MSRA: variants seen among roughly 807,000 people sequenced by gnomAD.
MSRA encodes mitochondrial peptide methionine sulfoxide reductase.
In MSRA, 54 loss-of-function variants were observed where a neutral mutation model predicts 31.3. The observed-to-expected ratio is 1.73, with a 90% confidence interval of 1.39 to 2.17. The LOEUF is 2.17. MSRA is among the 30% of genes most tolerant of loss of function. MSRA has a pLI of 0.00. For missense variants in MSRA, 507 were observed against 300.9 expected, an observed-to-expected ratio of 1.69 and a Z score of -5.07; for synonymous variants, 169 against 116.5, an observed-to-expected ratio of 1.45 and a Z score of -2.90.
At chr8:10,211,807 G>T in intron 2 of MSRA, among the ~76,000 whole-genome samples, 1 of 152,150 alleles carries the variant, frequency 6.6e-6, no homozygotes, top group Non-Finnish European at 1.5e-5. Flanking sequence ...CGTTGGCCAC[G>T]GTCCACTCTG....
intron 1 of MSRA, among the ~76,000 whole-genome samples, chr8:10,075,987 G>T (rs1797977422): frequency 6.6e-6 from 1 of 152,164 alleles, no homozygotes; most frequent in Admixed American, 6.5e-5. Flanking sequence ...GTATAAATAG[G>T]CACATTCAGA....
chr8:10,407,355 G>A (rs1245209316), intron 5 of MSRA, among the ~76,000 whole-genome samples: 2 of 152,230 alleles, frequency 1.3e-5, no homozygotes, highest in East Asian at 3.9e-4. Flanking sequence ...GTAAGGGCAG[G>A]TGGAGGGTTG....
At chr8:10,279,072 G>A (rs1018474353) in intron 3 of MSRA, among the ~76,000 whole-genome samples, 3 of 152,180 alleles carry the variant, frequency 2.0e-5, no homozygotes, top group African/African-American at 7.2e-5. Flanking sequence ...TCATGCAGTT[G>A]TTTTCTTGTT....
chr8:10,373,981 T>TAG (rs1805619266), intron 5 of MSRA, among the ~76,000 whole-genome samples: 1 of 152,200 alleles, frequency 6.6e-6, no homozygotes, highest in South Asian at 2.1e-4. Flanking sequence ...GGCAGATGCA[T>TAG]GTCTCACTGC....
chr8:10,070,137 T>G (rs1189792499), intron 1 of MSRA, among the ~76,000 whole-genome samples: 1 of 152,164 alleles, frequency 6.6e-6, no homozygotes, highest in Non-Finnish European at 1.5e-5. Flanking sequence ...ATGAATACTT[T>G]GGGGAAAATA....
intron 5 of MSRA, among the ~76,000 whole-genome samples, chr8:10,400,912 G>A (rs1368981817): frequency 6.6e-6 from 1 of 152,112 alleles, no homozygotes; most frequent in Admixed American, 6.5e-5. Flanking sequence ...GAGCTAAAAC[G>A]ATAAATCCGT....
intron 5 of MSRA, among the ~76,000 whole-genome samples, chr8:10,427,769 G>A (rs533524245): frequency 2.1e-4 from 32 of 152,184 alleles, no homozygotes; most frequent in South Asian, 4.2e-4. Context: ...ATTTACCCTC[G>A]GGGACAGCCA....
chr8:10,207,776 G>A, intron 1 of MSRA, 57 bp from the exon 2 acceptor site: 2 of 1,478,480 alleles, frequency 1.4e-6, no homozygotes, highest in Non-Finnish European at 1.8e-6. Flanking sequence ...AATGACATGT[G>A]TTAGTATGTG....
In MSRA at chr8:10,426,052, A is replaced by G. The variant is rs149551545; in HGVS notation, c.544-2096A>G. On this transcript the variant is annotated intron_variant, in intron 5 of 5. Transcript: ENST00000317173. ...CATTTCCACAGCCACCTGGCATCCC[A>G]AAGCCTTCCTTCAGTGGGCAGCCTC... Among the ~76,000 whole-genome samples the G allele has an allele frequency of 1.3e-3, 199 of 152,308 alleles. 4 individuals carry two copies. In the Middle Eastern group the frequency reaches 0.031, roughly 23 times the overall value.
chr8:10,327,032 G>A (rs188343059), intron 5 of MSRA, among the ~76,000 whole-genome samples: 2 of 152,278 alleles, frequency 1.3e-5, no homozygotes, highest in East Asian at 3.9e-4. Context: ...CCTTCTGCCA[G>A]CTCTTCAAGT....
chr8:10,245,513 C>T (rs1028019026), intron 3 of MSRA, among the ~76,000 whole-genome samples: 2 of 152,162 alleles, frequency 1.3e-5, no homozygotes, highest in Non-Finnish European at 2.9e-5. Context: ...GCAGTTGAGG[C>T]TGGGCTCAGC....
rs189228577 is a variant in MSRA, at chr8:10,243,843, C to T, written c.212-1261C>T. On this transcript the variant is annotated intron_variant, in intron 2 of 5. Coordinates refer to ENST00000317173, the MANE Select transcript of MSRA (RefSeq NM_012331.5). ...AATTATGATATCACAAACATATTTC[C>T]ATGTTGCAATATTATCACAAAATAA... Among the ~76,000 whole-genome samples, 5 of 152,136 alleles carry T rather than the reference C, an allele frequency of 3.3e-5. No homozygotes were observed. The East Asian group carries it at 9.6e-4, about 29-fold the overall frequency.
At chr8:10,145,228 G>C (rs1803040730) in intron 1 of MSRA, among the ~76,000 whole-genome samples, 1 of 152,202 alleles carries the variant, frequency 6.6e-6, no homozygotes, top group Non-Finnish European at 1.5e-5. Flanking sequence ...CCTGTTCTAT[G>C]TGGGGATCAG....
intron 5 of MSRA, among the ~76,000 whole-genome samples, chr8:10,395,988 C>T (rs1421090839): frequency 6.6e-6 from 1 of 152,202 alleles, no homozygotes; most frequent in East Asian, 1.9e-4. Flanking sequence ...AGTCTCTTGT[C>T]TAACACTTGG....
At chr8:10,391,501 A>G (rs905331170) in intron 5 of MSRA, among the ~76,000 whole-genome samples, 1 of 152,220 alleles carries the variant, frequency 6.6e-6, no homozygotes, top group Non-Finnish European at 1.5e-5. Flanking sequence ...AGTTAAAACT[A>G]TGAAAATATT....
intron 3 of MSRA, among the ~76,000 whole-genome samples, chr8:10,280,011 A>G (rs1462216618): frequency 1.3e-5 from 2 of 152,222 alleles, no homozygotes; most frequent in Admixed American, 6.5e-5. Context: ...ATTTTCTAAA[A>G]TAGTTATTAA....
chr8:10,144,950 T>C (rs988772896), intron 1 of MSRA, among the ~76,000 whole-genome samples: 1 of 151,926 alleles, frequency 6.6e-6, no homozygotes, highest in Non-Finnish European at 1.5e-5. Context: ...ATAAAGCTGC[T>C]GGGCTCGTTT....
chr8:10,358,522 A>G (rs1024821398), intron 5 of MSRA, among the ~76,000 whole-genome samples: 3 of 125,808 alleles, frequency 2.4e-5, no homozygotes, highest in Non-Finnish European at 4.7e-5. Context: ...TGGCATTACC[A>G]CCTCAGCTCC....
At chr8:10,064,805 A>C (rs553256082) in intron 1 of MSRA, among the ~76,000 whole-genome samples, 1 of 152,186 alleles carries the variant, frequency 6.6e-6, no homozygotes, top group Non-Finnish European at 1.5e-5. Context: ...TGAGGCCACA[A>C]ATTATTCTTT....
Sources: allele counts gnomAD v4.1 joint callset (sites outside exome capture counted in the v4.1 genomes callset), GRCh38; gene constraint gnomAD v4.1.1; transcripts MANE v1.5; gene names NCBI Gene and HGNC (gene_info 2026-07-23, HGNC 2026-07-21).